Variants in SMYD3 observed in about 807,000 individuals in gnomAD.
The protein encoded by SMYD3 is histone-lysine N-methyltransferase SMYD3.
SMYD3 carries 36 observed loss-of-function variants against 57.7 expected under a neutral mutation model. That is an observed-to-expected ratio of 0.62 (90% CI 0.48 to 0.82). The LOEUF is 0.82. SMYD3 is among the 40% of genes least tolerant of loss of function. SMYD3 has a pLI of 0.00. For missense variants in SMYD3, 515 were observed against 538.8 expected, an observed-to-expected ratio of 0.96 and a Z score of 0.44; for synonymous variants, 211 against 195.0, an observed-to-expected ratio of 1.08 and a Z score of -0.68.
intron 5 of SMYD3, among the ~76,000 whole-genome samples, chr1:246,069,945 G>A (rs528595889): frequency 6.6e-6 from 1 of 152,308 alleles, no homozygotes; most frequent in South Asian, 2.1e-4. Flanking sequence ...GGGGGGAAGT[G>A]AATCTCAATT....
At chr1:245,886,287 C>CA (rs1558458837) in intron 8 of SMYD3, among the ~76,000 whole-genome samples, 1 of 151,744 alleles carries the variant, frequency 6.6e-6, no homozygotes, top group Non-Finnish European at 1.5e-5. Context: ...ATTTACATAT[C>CA]AAAACAAGAG....
chr1:246,071,350 G>T (rs1266185945), intron 5 of SMYD3, among the ~76,000 whole-genome samples: 2 of 151,868 alleles, frequency 1.3e-5, no homozygotes, highest in African/African-American at 4.8e-5. Flanking sequence ...GAGAAAACAG[G>T]GATTAAGGAC....
At chr1:245,804,274 G>A (rs539024134) in intron 10 of SMYD3, among the ~76,000 whole-genome samples, 26 of 152,226 alleles carry the variant, frequency 1.7e-4, no homozygotes, top group African/African-American at 5.5e-4. Flanking sequence ...ACTCACTGCC[G>A]TGGTCTGGAT....
chr1:246,092,985 C>T (rs2147895658), intron 5 of SMYD3, among the ~76,000 whole-genome samples: 1 of 151,270 alleles, frequency 6.6e-6, no homozygotes, highest in Middle Eastern at 3.4e-3. Context: ...TTTCAGAAGA[C>T]AAATGCCCAA....
intron 5 of SMYD3, among the ~76,000 whole-genome samples, chr1:246,229,289 TCTTA>T (rs2063374661): frequency 6.6e-6 from 1 of 152,182 alleles, no homozygotes; most frequent in Non-Finnish European, 1.5e-5. Context: ...AATCCATTTA[TCTTA>T]CTAATTTTAA....
chr1:246,423,360 G>A (rs1211153026), intron 1 of SMYD3, among the ~76,000 whole-genome samples: 1 of 151,726 alleles, frequency 6.6e-6, no homozygotes, highest in Non-Finnish European at 1.5e-5. Context: ...CAGAACAGAA[G>A]GTATTATAAG....
At chr1:246,481,638 AT>A (rs1237007996) in intron 1 of SMYD3, among the ~76,000 whole-genome samples, 1 of 133,536 alleles carries the variant, frequency 7.5e-6, no homozygotes, top group Non-Finnish European at 1.6e-5. Context: ...ATACATACAC[AT>A]ATTCATATAT....
chr1:246,416,348 C>A (rs2067060376), intron 1 of SMYD3, among the ~76,000 whole-genome samples: 1 of 152,196 alleles, frequency 6.6e-6, no homozygotes, highest in South Asian at 2.1e-4. Context: ...GGGACCACTA[C>A]TGTGACTTAA....
At chr1:246,267,139 T>C (rs2064125065) in intron 5 of SMYD3, among the ~76,000 whole-genome samples, 1 of 152,192 alleles carries the variant, frequency 6.6e-6, no homozygotes, top group African/African-American at 2.4e-5. Flanking sequence ...AAAGATGGAA[T>C]AGAGCAATAT....
chr1:246,362,442 TCTCCCTCTCCCTCTCCCTCTCCAC>T (rs2066004204), intron 1 of SMYD3, among the ~76,000 whole-genome samples: 2 of 2,152 alleles, frequency 9.3e-4, no homozygotes, highest in Non-Finnish European at 2.6e-3. Context: ...TTTCCCACGG[TCTCCCTCTCCCTCTCCCTCTCCAC>T]GGTCTCCCTC....
chr1:246,386,974 C>T (rs541308134), intron 1 of SMYD3, among the ~76,000 whole-genome samples: 5 of 151,852 alleles, frequency 3.3e-5, no homozygotes, highest in African/African-American at 1.2e-4. Context: ...TAGGCCAGTA[C>T]ATTAATATCC....
chr1:246,335,283 A>C (rs1456087495), intron 3 of SMYD3, 84 bp downstream of exon 3: 3 of 1,180,554 alleles, frequency 2.5e-6, no homozygotes, highest in East Asian at 2.4e-5. Flanking sequence ...TGAACCTGCA[A>C]CATCTCTGAG....
intron 5 of SMYD3, among the ~76,000 whole-genome samples, chr1:246,159,393 G>C (rs2062077289): frequency 6.6e-6 from 1 of 152,052 alleles, no homozygotes; most frequent in Admixed American, 6.6e-5. Context: ...TGAAGGGCAG[G>C]GTGTGTCTAG....
At chr1:246,187,002 C>T in intron 5 of SMYD3, 1 of 896,612 alleles carries the variant, frequency 1.1e-6, no homozygotes, top group Non-Finnish European at 1.3e-6. Context: ...GCTACACAAA[C>T]ATACAAAGTA....
intron 10 of SMYD3, among the ~76,000 whole-genome samples, chr1:245,812,396 AG>A (rs2048523454): frequency 6.6e-6 from 1 of 152,090 alleles, no homozygotes; most frequent in South Asian, 2.1e-4. Flanking sequence ...CCCTACTACC[AG>A]GCACCACCAC....
At chr1:246,099,159 G>A (rs887117164) in intron 5 of SMYD3, among the ~76,000 whole-genome samples, 9 of 152,094 alleles carry the variant, frequency 5.9e-5, no homozygotes, top group African/African-American at 1.4e-4. Context: ...CGGGCCTATC[G>A]GGCAAGTTGT....
chr1:246,081,126 G>A (rs2060631141), intron 5 of SMYD3, among the ~76,000 whole-genome samples: 1 of 152,218 alleles, frequency 6.6e-6, no homozygotes. Context: ...TAGCGTTGAG[G>A]AAGGAAAGAT....
At position 245,766,973 on chromosome 1, in the gene SMYD3, C is replaced by T. The variant is rs114243966; in HGVS notation, c.1077-2824G>A. 5.1e-3 allele frequency among the ~76,000 whole-genome samples: 770 copies of T among 152,242 alleles called. 6 individuals are homozygous for T. Among genetic ancestry groups the T allele is most frequent in the African/African-American group, 0.018 (730 of 41,530 alleles). On this transcript the variant is annotated intron_variant, in intron 10 of 11. Transcript: ENST00000490107. ...CACAGCTCTATGGGGCTGCTGATTG[C>T]GGGCCTGGTTGGTTTCTGGAGGCCT...
At chr1:245,924,678 T>TTTC (rs1491247605) in intron 7 of SMYD3, among the ~76,000 whole-genome samples, 1 of 76,786 alleles carries the variant, frequency 1.3e-5, no homozygotes, top group Admixed American at 1.4e-4. Context: ...TTTTTTTTTT[T>TTTC]CTGAGATGGA....
Sources: gnomAD v4.1 joint callset for allele counts (sites outside exome capture counted in the v4.1 genomes callset) on GRCh38, gnomAD v4.1.1 for gene constraint, MANE v1.5 for transcripts, NCBI Gene and HGNC (gene_info 2026-07-23, HGNC 2026-07-21) for gene names.